Variants in NLRP11 observed in about 807,000 individuals in gnomAD.
The protein encoded by NLRP11 is NACHT, LRR and PYD domains-containing protein 11.
Under a neutral mutation model 79.3 loss-of-function variants are expected in NLRP11, and 53 were observed. That is an observed-to-expected ratio of 0.67 (90% confidence interval 0.54 to 0.84). The LOEUF is 0.84. NLRP11 is among the 40% of genes least tolerant of loss of function. NLRP11 has a pLI of 0.00. For synonymous variants in NLRP11, 518 were observed against 462.6 expected (o/e 1.12, Z -1.54); for missense variants, 1,264 against 1,255.0 (o/e 1.01, Z -0.11).
At chr19:55,804,860 C>T (rs1206096426) in intron 4 of NLRP11, among the ~76,000 whole-genome samples, 1 of 152,118 alleles carries the variant, frequency 6.6e-6, no homozygotes, top group South Asian at 2.1e-4. Flanking sequence ...GTCAAGAAAT[C>T]GAGACCATCC....
chr19:55,789,896 C>T (rs1389867790), intron 7 of NLRP11, among the ~76,000 whole-genome samples: 1 of 152,180 alleles, frequency 6.6e-6, no homozygotes, highest in Non-Finnish European at 1.5e-5. Context: ...CGTGTTCTCC[C>T]ATGTGACCTG....
In NLRP11 at chr19:55,809,721, T is replaced by C; in HGVS notation, c.889A>G (p.Thr297Ala). 1 of 1,614,126 alleles carries C rather than the reference T, an allele frequency of 6.2e-7. No individual in the cohort carries two copies. ...CTCTTCCCATTCGACAGCTGCAAGG[T>C]CGTGCAGCAATCTACCTCTTTCAAG... The change falls in exon 3 of 10, where the codon ACC (threonine) becomes GCC (alanine). Residue 297 changes from threonine (T) to alanine (A), a missense_variant. Physicochemically the swap from Thr to Ala is moderately conservative, Grantham distance 58. Coordinates refer to ENST00000589093, the Ensembl canonical transcript of NLRP11. This position sits in a 1 kb window ranked among gnomAD's most constrained non-coding sequence, Gnocchi z 4.5.
chr19:55,834,541 A>G (rs1983069556), upstream of NLRP11, among the ~76,000 whole-genome samples: 1 of 152,216 alleles, frequency 6.6e-6, no homozygotes, highest in African/African-American at 2.4e-5. Flanking sequence ...GCATGATGCT[A>G]ATGTAATTAG....
chr19:55,827,052 G>A (rs1446929201), intron 1 of NLRP11, among the ~76,000 whole-genome samples: 1 of 145,688 alleles, frequency 6.9e-6, no homozygotes, highest in Non-Finnish European at 1.5e-5. Flanking sequence ...GCATGGTACT[G>A]GTACCAAAAC....
At chr19:55,807,815 A>C (rs755724174) in intron 4 of NLRP11, 38 bp downstream of exon 4, 1 of 1,437,904 alleles carries the variant, frequency 7.0e-7, no homozygotes. Context: ...CGTTATTCCT[A>C]GGGGAACCTC....
rs1210081486 is a variant in NLRP11 at position 55,810,188 on chromosome 19, T to C, written c.422A>G (p.Tyr141Cys). The change falls in exon 3 of 10, where the codon TAT becomes TGT. Residue 141 changes from tyrosine (Y) to cysteine (C), a missense_variant. Tyr to Cys is a radical substitution (Grantham distance 194). Coordinates refer to ENST00000589093, the Ensembl canonical transcript of NLRP11. ...CACATTGAGATTGTTTGCTGAATAA[T>C]AGCTGGTAGAATCATAGGCTAATTG... is the stretch of plus-strand genomic sequence containing the variant. 3.1e-6 allele frequency: 5 copies of C among 1,613,978 alleles called. No individual in the cohort carries two copies. The East Asian group carries it at 6.7e-5, about 22-fold the overall frequency.
chr19:55,822,811 T>C (rs1211883427), intron 1 of NLRP11, among the ~76,000 whole-genome samples: 1 of 151,920 alleles, frequency 6.6e-6, no homozygotes, highest in East Asian at 1.9e-4. Flanking sequence ...GAGATCAAAC[T>C]GCAAGGCGGC....
Position 55,788,997 on chromosome 19 carries a change from G to A in NLRP11, c.2685-20C>T, listed in dbSNP as rs202212525. On this transcript the variant is annotated intron_variant, in intron 8 of 9. Coordinates refer to ENST00000589093, the Ensembl canonical transcript of NLRP11. ...TCTAGCCTGCAACGAAGATGCACAGGTAAGGTGGGGCCAAATCCTTGAGGA... is the reference window on the plus strand; with the variant it reads ...TCTAGCCTGCAACGAAGATGCACAGATAAGGTGGGGCCAAATCCTTGAGGA... 8.2e-4 allele frequency: 1,325 copies of A among 1,613,144 alleles called. 1 individual carries two copies. The highest frequency in any genetic ancestry group is 9.6e-4 in the Non-Finnish European group (1,127 of 1,179,424).
At chr19:55,821,163 C>A (rs1187548752) in intron 1 of NLRP11, among the ~76,000 whole-genome samples, 1 of 149,658 alleles carries the variant, frequency 6.7e-6, no homozygotes, top group Non-Finnish European at 1.5e-5. Flanking sequence ...TTGGAATATG[C>A]TAGGGAGAGG....
intron 7 of NLRP11, among the ~76,000 whole-genome samples, chr19:55,790,106 C>G (rs1441989535): frequency 2.0e-5 from 3 of 152,188 alleles, no homozygotes; most frequent in Non-Finnish European, 4.4e-5. Context: ...TTCTCCAAGT[C>G]TTTGCTCAAA....
chr19:55,809,253 C>G lies in NLRP11; in HGVS notation c.1357G>C (p.Val453Leu). The G allele has an allele frequency of 6.2e-7, 1 of 1,614,028 alleles. No individual in the cohort carries two copies. The highest frequency in any genetic ancestry group is 8.5e-7 in the Non-Finnish European group (1 of 1,179,922). The change falls in exon 3 of 10, where the codon GTC becomes CTC. Residue 453 changes from valine to leucine, a missense_variant. By Grantham distance (32) the Val-to-Leu change is conservative. Transcript: ENST00000589093. This position sits in a 1 kb window ranked among gnomAD's most constrained non-coding sequence, Gnocchi z 4.5. ...GCAATGGCTGTACAAAACTCCTGGACGTTCAAGTGTATGAACTTGTAACGG... is the reference window on the plus strand; with the variant it reads ...GCAATGGCTGTACAAAACTCCTGGAGGTTCAAGTGTATGAACTTGTAACGG...
exon 2 of NLRP11, chr19:55,818,189 G>A (rs1310157647): frequency 1.9e-6 from 3 of 1,606,362 alleles, no homozygotes; most frequent in Non-Finnish European, 2.6e-6. Context: ...CTTCTCCAGG[G>A]AAGGCAGACT....
At chr19:55,833,716 C>T (rs1982991304), upstream of NLRP11, among the ~76,000 whole-genome samples, 1 of 135,276 alleles carries the variant, frequency 7.4e-6, no homozygotes, top group African/African-American at 2.8e-5. Flanking sequence ...TGCAGTGAGC[C>T]GAGATCAGGC....
At chr19:55,823,791 T>C (rs1285665003) in intron 1 of NLRP11, among the ~76,000 whole-genome samples, 3 of 148,694 alleles carry the variant, frequency 2.0e-5, no homozygotes, top group African/African-American at 7.5e-5. Context: ...GTCTGATTGG[T>C]GTACCTGAAA....
At chr19:55,815,697 G>A (rs1049286527) in intron 2 of NLRP11, among the ~76,000 whole-genome samples, 3 of 152,118 alleles carry the variant, frequency 2.0e-5, no homozygotes, top group Non-Finnish European at 4.4e-5. Context: ...TCCCATTTGT[G>A]TATAAAGACA....
chr19:55,813,768 A>C (rs1980828739), intron 2 of NLRP11, among the ~76,000 whole-genome samples: 1 of 152,082 alleles, frequency 6.6e-6, no homozygotes, highest in African/African-American at 2.4e-5. Flanking sequence ...AAGACATTGC[A>C]ATGTCCATGG....
At chr19:55,795,896 T>C (rs557658174) in intron 6 of NLRP11, among the ~76,000 whole-genome samples, 184 bp downstream of exon 6, 1 of 152,334 alleles carries the variant, frequency 6.6e-6, no homozygotes, top group South Asian at 2.1e-4. Flanking sequence ...GAAACATTTT[T>C]GCCAACGTTT....
At chr19:55,795,956 A>G in intron 6 of NLRP11, 124 bp downstream of exon 6, 2 of 849,812 alleles carry the variant, frequency 2.4e-6, no homozygotes, top group Non-Finnish European at 3.7e-6. Flanking sequence ...ACTGAACTCC[A>G]AAGACTGTGC....
intron 2 of NLRP11, 84 bp downstream of exon 2, chr19:55,817,820 G>GAA (rs10632108): frequency 4.1e-3 from 3,406 of 831,974 alleles, no homozygotes; most frequent in Middle Eastern, 6.2e-3. Flanking sequence ...AACCTATTTA[G>GAA]AAAAAAAAAA....
Sources: allele counts gnomAD v4.1 joint callset (sites outside exome capture counted in the v4.1 genomes callset), GRCh38; gene constraint gnomAD v4.1.1; non-coding constraint Gnocchi (gnomAD v3.1); transcripts MANE v1.5; gene names NCBI Gene and HGNC (gene_info 2026-07-23, HGNC 2026-07-21).